NSMCE2: variants seen among roughly 807,000 people sequenced by gnomAD.
NSMCE2 encodes the protein NSE2 SUMO ligase component of SMC5/6 complex, also known as E3 SUMO-protein ligase NSE2.
NSMCE2 carries 24 observed loss-of-function variants against 23.8 expected under a neutral mutation model. The observed-to-expected ratio is 1.01, with a 90% CI of 0.73 to 1.42. The LOEUF (loss-of-function observed/expected upper bound fraction) is 1.42, where lower values mean the gene tolerates loss of function less well. Among genes scored for constraint, NSMCE2 ranks in the 40% most tolerant of loss-of-function variants. NSMCE2 has a pLI of 0.00. For missense variants in NSMCE2, 284 were observed against 296.5 expected, an observed-to-expected ratio of 0.96 and a Z score of 0.31; for synonymous variants, 92 against 94.1, an observed-to-expected ratio of 0.98 and a Z score of 0.13.
intron 5 of NSMCE2, among the ~76,000 whole-genome samples, chr8:125,231,796 A>G (rs1421207245): frequency 6.6e-6 from 1 of 152,212 alleles, no homozygotes; most frequent in African/African-American, 2.4e-5. Flanking sequence ...TGACATCATC[A>G]GGTAGTTATC....
chr8:125,365,127 C>T (rs571784470), intron 7 of NSMCE2, among the ~76,000 whole-genome samples: 9 of 152,190 alleles, frequency 5.9e-5, no homozygotes, highest in African/African-American at 1.9e-4. Context: ...CAGTGGCCCA[C>T]TCAGTCTCTC....
At chr8:125,307,337 G>A (rs1828805519) in intron 5 of NSMCE2, among the ~76,000 whole-genome samples, 1 of 152,230 alleles carries the variant, frequency 6.6e-6, no homozygotes, top group African/African-American at 2.4e-5. Context: ...CCTAGTATAT[G>A]ATAAAGAAGA....
intron 5 of NSMCE2, among the ~76,000 whole-genome samples, chr8:125,222,540 C>T (rs575371964): frequency 2.6e-5 from 4 of 152,278 alleles, no homozygotes; most frequent in African/African-American, 9.6e-5. Flanking sequence ...TTCCCCCAAC[C>T]TCTGGTAACC....
chr8:125,313,090 G>A (rs1296743131), intron 5 of NSMCE2, among the ~76,000 whole-genome samples: 1 of 121,984 alleles, frequency 8.2e-6, no homozygotes, highest in African/African-American at 3.1e-5. Flanking sequence ...ATGTATCCCA[G>A]AACTTAAAGT....
chr8:125,095,882 CAAAAAAA>C lies in NSMCE2; in HGVS notation c.-111+3937_-111+3943del, dbSNP rs1174381155. Among the ~76,000 whole-genome samples, 16 of 65,676 alleles carry C rather than the reference CAAAAAAA, an allele frequency of 2.4e-4. No homozygotes were observed. The South Asian group carries it at 9.3e-3, about 38-fold the overall frequency. 43.1% of individuals were successfully genotyped at this position (65,676 alleles called of 152,430 possible). On this transcript the variant is annotated intron_variant, in intron 1 of 7. Coordinates refer to ENST00000287437, the MANE Select transcript of NSMCE2 (RefSeq NM_173685.4). ...GAGGGACAAGAGCAAAACTCCATCTCAAAAAAAAAAAAAAAAAAAGAAAAGAAAATTG... is the reference window on the plus strand; with the variant it reads ...GAGGGACAAGAGCAAAACTCCATCTCAAAAAAAAAAAAGAAAAGAAAATTG...
chr8:125,109,442 A>T (rs1818625039), intron 3 of NSMCE2, among the ~76,000 whole-genome samples: 1 of 152,204 alleles, frequency 6.6e-6, no homozygotes, highest in Non-Finnish European at 1.5e-5. Flanking sequence ...CAGAAGAGCA[A>T]GTGGGGAATT....
At chr8:125,338,144 TCCC>T (rs907117410) in intron 5 of NSMCE2, among the ~76,000 whole-genome samples, 3 of 152,136 alleles carry the variant, frequency 2.0e-5, no homozygotes, top group African/African-American at 7.2e-5. Context: ...TGATGTGACC[TCCC>T]AGGTCACATA....
chr8:125,176,887 A>AC (rs1388420583), intron 4 of NSMCE2, among the ~76,000 whole-genome samples: 1 of 152,160 alleles, frequency 6.6e-6, no homozygotes, highest in Admixed American at 6.5e-5. Context: ...CACAGTCCTC[A>AC]CCACTTCCTA....
chr8:125,235,519 C>T (rs1286014569), intron 5 of NSMCE2, among the ~76,000 whole-genome samples: 2 of 152,192 alleles, frequency 1.3e-5, no homozygotes, highest in Non-Finnish European at 2.9e-5. Flanking sequence ...GCCATGCATA[C>T]ACCCACACCT....
At chr8:125,170,376 CTTTTTTTTTTTTTT>C (rs565593006) in intron 4 of NSMCE2, among the ~76,000 whole-genome samples, 851 of 37,782 alleles carry the variant, frequency 0.023, 10 homozygotes, top group African/African-American at 0.066. Flanking sequence ...CTCTTTATTT[CTTTTTTTTTTTTTT>C]TTTTTTTTTT....
At chr8:125,248,039 A>C (rs1375060896) in intron 5 of NSMCE2, among the ~76,000 whole-genome samples, 1 of 152,236 alleles carries the variant, frequency 6.6e-6, no homozygotes, top group Non-Finnish European at 1.5e-5. Context: ...CTCATTCAAT[A>C]AAAATTTTGA....
At chr8:125,131,852 T>G (rs1284230029) in intron 3 of NSMCE2, among the ~76,000 whole-genome samples, 1 of 152,194 alleles carries the variant, frequency 6.6e-6, no homozygotes, top group African/African-American at 2.4e-5. Flanking sequence ...TGAGGTGCCT[T>G]GCACAAGTAG....
intron 3 of NSMCE2, among the ~76,000 whole-genome samples, chr8:125,106,047 T>TACACACACACACAC (rs138450338): frequency 1.3e-5 from 2 of 148,238 alleles, no homozygotes; most frequent in Non-Finnish European, 3.0e-5. Context: ...TGTGTGTGCA[T>TACACACACACACAC]ACACACACAC....
chr8:125,320,812 C>A (rs914499790), intron 5 of NSMCE2, among the ~76,000 whole-genome samples: 1 of 151,984 alleles, frequency 6.6e-6, no homozygotes, highest in Non-Finnish European at 1.5e-5. Flanking sequence ...AAAAAAATAC[C>A]TGAGACTGGA....
intron 3 of NSMCE2, among the ~76,000 whole-genome samples, chr8:125,109,665 A>G (rs1818633186): frequency 6.6e-6 from 1 of 152,194 alleles, no homozygotes; most frequent in Non-Finnish European, 1.5e-5. Flanking sequence ...CCCAAGAACT[A>G]GGGTGGTGAT....
chr8:125,095,148 C>T lies in NSMCE2; in HGVS notation c.-111+3190C>T, dbSNP rs562429134. Reference sequence around the variant, plus strand: ...TTATAGGCATGAGCCACCTTTCCAGCCAGGTTTTAGATAATCAGTACACAT... The same window carrying T: ...TTATAGGCATGAGCCACCTTTCCAGTCAGGTTTTAGATAATCAGTACACAT... On this transcript the variant is annotated intron_variant, in intron 1 of 7. Transcript: ENST00000287437. Among the ~76,000 whole-genome samples the T allele has an allele frequency of 2.6e-5, 4 of 152,252 alleles. No individual in the cohort carries two copies. In the South Asian group the frequency reaches 6.2e-4, roughly 24 times the overall value.
chr8:125,162,600 T>G (rs1821684882), intron 4 of NSMCE2, among the ~76,000 whole-genome samples: 1 of 152,116 alleles, frequency 6.6e-6, no homozygotes, highest in African/African-American at 2.4e-5. Context: ...CCCTCCTATC[T>G]AGTGATTTCT....
intron 5 of NSMCE2, among the ~76,000 whole-genome samples, chr8:125,311,603 G>A (rs755055577): frequency 6.6e-6 from 1 of 152,110 alleles, no homozygotes; most frequent in Non-Finnish European, 1.5e-5. Context: ...TAACTTTTCC[G>A]ATGACTAGCA....
chr8:125,234,012 T>TAAAA (rs34763403), intron 5 of NSMCE2, among the ~76,000 whole-genome samples: 3 of 102,162 alleles, frequency 2.9e-5, no homozygotes, highest in African/African-American at 7.4e-5. Context: ...CTGTCTCTAC[T>TAAAA]AAAAAAAAAA....
Sources: gnomAD v4.1 joint callset for allele counts (sites outside exome capture counted in the v4.1 genomes callset) on GRCh38, gnomAD v4.1.1 for gene constraint, MANE v1.5 for transcripts, NCBI Gene and HGNC (gene_info 2026-07-23, HGNC 2026-07-21) for gene names.